The following BMP2K variants were observed in gnomAD, a reference collection of about 807,000 sequenced individuals.
BMP2K encodes BMP2 inducible kinase, also known as BMP-2-inducible protein kinase.
In BMP2K, 74 loss-of-function variants were observed where a neutral mutation model predicts 116.0. The ratio of observed to expected loss-of-function variants is 0.64; its 90% CI spans 0.53 to 0.77. The LOEUF is 0.77. Ranked by LOEUF, BMP2K falls within the 30% of genes least tolerant of loss-of-function variation. The probability of loss-of-function intolerance (pLI) is 0.00; values close to 1 mark genes in which losing one functional copy is unlikely to be tolerated. For synonymous variants in BMP2K, 486 were observed against 502.5 expected (o/e 0.97, Z 0.44); for missense variants, 1,365 against 1,403.6 (o/e 0.97, Z 0.44).
At chr4:78,810,674 A>G (rs1264330297) in intron 1 of BMP2K, among the ~76,000 whole-genome samples, 4 of 152,104 alleles carry the variant, frequency 2.6e-5, no homozygotes, top group African/African-American at 9.7e-5. Flanking sequence ...AGTGGTTGCT[A>G]GGTTGGTAGT....
chr4:78,821,661 T>C (rs1434739690), intron 1 of BMP2K, among the ~76,000 whole-genome samples: 2 of 152,222 alleles, frequency 1.3e-5, no homozygotes, highest in East Asian at 1.9e-4. Context: ...GAGGTCTGAC[T>C]GACTTTAAGT....
intron 13 of BMP2K, among the ~76,000 whole-genome samples, chr4:78,877,459 C>T (rs763024661): frequency 2.6e-5 from 4 of 151,900 alleles, no homozygotes; most frequent in South Asian, 2.1e-4. Context: ...CACATCAGCC[C>T]GGGCCTACAC....
chr4:78,872,200 C>T (rs375838921), intron 12 of BMP2K: 6 of 349,840 alleles, frequency 1.7e-5, no homozygotes, highest in East Asian at 5.0e-5. Flanking sequence ...TGATGTCTTA[C>T]CTATAGTCTT....
rs767882432 is a variant in BMP2K at position 78,911,610 on chromosome 4, C to T, written c.3063C>T (p.His1021=). The T allele has an allele frequency of 8.1e-6, 13 of 1,613,668 alleles. No individual in the cohort carries two copies. Among genetic ancestry groups the T allele is most frequent in the Non-Finnish European group, 1.1e-5 (13 of 1,179,796 alleles). ...TYRTPERARR[H]KKVGRRDSQS... is the part of the protein sequence containing the mutation. ...GCACTCCAGAGAGGGCTCGCAGGCA[C>T]AAAAAAGTGGGCCGCCGAGACTCTC... Residue 1021 remains histidine (H), a synonymous_variant, in exon 16 of 16, where the codon CAC becomes CAT. Coordinates refer to ENST00000502613, the MANE Select transcript of BMP2K (RefSeq NM_198892.2).
intron 1 of BMP2K, among the ~76,000 whole-genome samples, chr4:78,814,112 G>A (rs1279047236): frequency 6.6e-6 from 1 of 152,184 alleles, no homozygotes; most frequent in Non-Finnish European, 1.5e-5. Flanking sequence ...GTAGTGTTTT[G>A]TAGTGGGTGA....
rs770139505 is a variant in BMP2K, at chr4:78,826,087, G to A, written c.229G>A (p.Ala77Thr). The A allele has an allele frequency of 2.5e-6, 4 of 1,614,052 alleles. No homozygotes were observed. In the African/African-American group the frequency reaches 5.3e-5, roughly 22 times the overall value. The change falls in exon 2 of 16, where the codon GCA (alanine) becomes ACA (threonine). Residue 77 changes from alanine to threonine, a missense_variant. Transcript: ENST00000502613. ...GCGTACTCACGGTGGAATCCGATGT[G>A]CATTGAAGCGAATGTATGTCAATAA... ...LVRTHGGIRC[A>T]LKRMYVNNMP...
At chr4:78,819,144 C>G (rs572727141) in intron 1 of BMP2K, among the ~76,000 whole-genome samples, 4 of 152,230 alleles carry the variant, frequency 2.6e-5, no homozygotes, top group Middle Eastern at 3.4e-3. Context: ...TTCTTGGAAT[C>G]TAGCATAATC....
chr4:78,904,031 C>G (rs1734156578), intron 15 of BMP2K, among the ~76,000 whole-genome samples: 2 of 151,844 alleles, frequency 1.3e-5, no homozygotes, highest in Admixed American at 6.6e-5. Flanking sequence ...CTCTCAGAAT[C>G]CTTTCTTATG....
intron 2 of BMP2K, among the ~76,000 whole-genome samples, chr4:78,830,127 G>A (rs1337496774): frequency 1.3e-5 from 2 of 151,990 alleles, no homozygotes; most frequent in African/African-American, 2.4e-5. Flanking sequence ...TCTGCCCCCC[G>A]TGGATTCCCA....
rs144740455 is a variant in BMP2K at position 78,805,939 on chromosome 4, C to G, written c.179-20098C>G. On this transcript the variant is annotated intron_variant, in intron 1 of 15. Transcript: ENST00000502613. ...TGAGCCAAGATTGCACCACCGCACT[C>G]TAGCCTGGGCGACAGAGTGAGACTC... Among the ~76,000 whole-genome samples, 48 of 152,182 alleles carry G rather than the reference C, an allele frequency of 3.2e-4. 1 individual carries two copies. Among genetic ancestry groups the G allele is most frequent in the African/African-American group, 1.1e-3 (45 of 41,520 alleles).
At chr4:78,894,724 C>A (rs1262855902) in intron 15 of BMP2K, among the ~76,000 whole-genome samples, 1 of 152,140 alleles carries the variant, frequency 6.6e-6, no homozygotes, top group Non-Finnish European at 1.5e-5. Context: ...CCTTTGTGTT[C>A]ACTTGGCTAA....
Position 78,870,643 on chromosome 4 carries a change from CTA to C in BMP2K, c.1232-138_1232-137del, listed in dbSNP as rs200463990. 1.3e-3 allele frequency: 1,480 copies of C among 1,158,608 alleles called. 18 individuals are homozygous for C. The African/African-American group carries it at 0.02, about 16-fold the overall frequency. 71.8% of individuals were successfully genotyped at this position (1,158,608 alleles called of 1,614,324 possible). On this transcript the variant is annotated intron_variant, in intron 10 of 15. Transcript: ENST00000502613. ...CAATTAAAGTAAATCCCTATAAACTCTATGCATATGGAAGTTTTTGTGTTATA... is the reference window on the plus strand; with the variant it reads ...CAATTAAAGTAAATCCCTATAAACTCTGCATATGGAAGTTTTTGTGTTATA...
chr4:78,840,641 T>G (rs1730714232), intron 3 of BMP2K, among the ~76,000 whole-genome samples: 1 of 152,170 alleles, frequency 6.6e-6, no homozygotes, highest in Non-Finnish European at 1.5e-5. Context: ...TAGAATACCT[T>G]CTTTTAAGCT....
chr4:78,904,256 T>C (rs182904999), intron 15 of BMP2K, among the ~76,000 whole-genome samples: 608 of 151,998 alleles, frequency 4.0e-3, no homozygotes, highest in Non-Finnish European at 6.4e-3. Context: ...AGAAAGATCA[T>C]AGTAAACCTT....
chr4:78,823,107 C>A (rs1345700269), intron 1 of BMP2K, among the ~76,000 whole-genome samples: 1 of 152,102 alleles, frequency 6.6e-6, no homozygotes, highest in African/African-American at 2.4e-5. Flanking sequence ...GAATTTCTTT[C>A]TTGAAGTTCA....
At chr4:78,846,532 T>G (rs1320525294) in intron 5 of BMP2K, among the ~76,000 whole-genome samples, 1 of 151,686 alleles carries the variant, frequency 6.6e-6, no homozygotes, top group East Asian at 1.9e-4. Context: ...ATTTGAGCAC[T>G]ACTTCATTAA....
At chr4:78,839,681 A>G (rs1036424191) in intron 3 of BMP2K, among the ~76,000 whole-genome samples, 10 of 152,296 alleles carry the variant, frequency 6.6e-5, no homozygotes, top group South Asian at 2.1e-4. Context: ...AGGTCTCACA[A>G]TATGCCATCT....
intron 15 of BMP2K, among the ~76,000 whole-genome samples, chr4:78,894,798 A>G (rs1733620521): frequency 6.6e-6 from 1 of 152,194 alleles, no homozygotes; most frequent in South Asian, 2.1e-4. Context: ...CTCTAAGCTT[A>G]GTCATTTCTA....
At chr4:78,890,475 A>C (rs1282370367) in intron 15 of BMP2K, among the ~76,000 whole-genome samples, 1 of 151,934 alleles carries the variant, frequency 6.6e-6, no homozygotes, top group Non-Finnish European at 1.5e-5. Flanking sequence ...TTTTTGGTTG[A>C]TTCAGTGTTC....
Sources: gnomAD v4.1 joint callset for allele counts (sites outside exome capture counted in the v4.1 genomes callset) on GRCh38, gnomAD v4.1.1 for gene constraint, MANE v1.5 for transcripts, NCBI Gene and HGNC (gene_info 2026-07-23, HGNC 2026-07-21) for gene names.